The following CADPS2 variants were observed in gnomAD, a reference collection of about 807,000 sequenced individuals.
CADPS2 encodes the protein calcium dependent secretion activator 2.
A neutral mutation model predicts 172.5 loss-of-function variants in CADPS2; 93 were observed. The observed-to-expected ratio is 0.54, with a 90% CI of 0.46 to 0.64. The LOEUF is 0.64. Ranked by LOEUF, CADPS2 falls within the 30% of genes least tolerant of loss-of-function variation. The pLI, the probability that CADPS2 is intolerant of heterozygous loss-of-function variation, is 0.00. For missense variants in CADPS2, 1,420 were observed against 1,565.9 expected (o/e 0.91, Z 1.57); for synonymous variants, 546 against 555.2 (o/e 0.98, Z 0.23).
At chr7:122,382,140 G>A (rs750518521) in intron 24 of CADPS2, 4 of 151,926 alleles carry the variant, frequency 2.6e-5, no homozygotes, top group Non-Finnish European at 5.9e-5. Flanking sequence ...ATTCATTAGG[G>A]GACCCAGGTA....
At chr7:122,442,506 C>T (rs914691302) in intron 15 of CADPS2, among the ~76,000 whole-genome samples, 1 of 152,092 alleles carries the variant, frequency 6.6e-6, no homozygotes, top group Non-Finnish European at 1.5e-5. Flanking sequence ...TTATGTATCT[C>T]CATGTCATTT....
chr7:122,345,979 A>G (rs1360249233), intron 27 of CADPS2, among the ~76,000 whole-genome samples: 1 of 150,236 alleles, frequency 6.7e-6, no homozygotes, highest in Non-Finnish European at 1.5e-5. Context: ...AGTATAAATG[A>G]ATAAATTTTT....
At chr7:122,513,227 T>A (rs1337608313) in intron 9 of CADPS2, 22 bp downstream of exon 9, 2 of 1,521,930 alleles carry the variant, frequency 1.3e-6, no homozygotes, top group South Asian at 2.4e-5. Flanking sequence ...GAGTGATTAT[T>A]TAACAGGAAA....
At chr7:122,629,126 G>A (rs1311818395) in intron 4 of CADPS2, 122 bp downstream of exon 4, 1 of 647,044 alleles carries the variant, frequency 1.5e-6, no homozygotes, top group Non-Finnish European at 2.6e-6. Context: ...TATGTGTAGA[G>A]GAGAAAATGT....
intron 25 of CADPS2, among the ~76,000 whole-genome samples, chr7:122,369,142 C>T (rs79644746): frequency 7.7e-3 from 239 of 31,072 alleles, no homozygotes; most frequent in East Asian, 0.041. Flanking sequence ...CCCCCCCCCC[C>T]TTTTTTTTTT....
chr7:122,849,163 A>C (rs1812823408), intron 1 of CADPS2, among the ~76,000 whole-genome samples: 1 of 152,244 alleles, frequency 6.6e-6, no homozygotes, highest in South Asian at 2.1e-4. Flanking sequence ...TTAATTAAGC[A>C]TGTTGGTTGC....
intron 1 of CADPS2, among the ~76,000 whole-genome samples, chr7:122,831,293 A>C (rs1438861779): frequency 1.3e-5 from 2 of 152,172 alleles, no homozygotes; most frequent in African/African-American, 2.4e-5. Flanking sequence ...CAAGCAACAA[A>C]ATGACTGTTC....
intron 15 of CADPS2, among the ~76,000 whole-genome samples, chr7:122,450,947 AAGACAATACTAC>A (rs1322209857): frequency 1.3e-5 from 2 of 152,174 alleles, no homozygotes; most frequent in African/African-American, 4.8e-5. Flanking sequence ...TACAAGTGAC[AAGACAATACTAC>A]AGACAATAAA....
At chr7:122,879,972 T>C (rs866128984) in intron 1 of CADPS2, among the ~76,000 whole-genome samples, 5 of 152,332 alleles carry the variant, frequency 3.3e-5, no homozygotes, top group African/African-American at 1.2e-4. Flanking sequence ...AATAAACAAG[T>C]CATTTTAATT....
intron 1 of CADPS2, among the ~76,000 whole-genome samples, chr7:122,816,957 C>A (rs563692505): frequency 6.6e-6 from 1 of 151,256 alleles, no homozygotes; most frequent in African/African-American, 2.4e-5. Context: ...TCAAAAAGCA[C>A]CCCCACTGAA....
intron 1 of CADPS2, among the ~76,000 whole-genome samples, chr7:122,786,124 A>G (rs1046276669): frequency 2.6e-5 from 4 of 152,178 alleles, no homozygotes; most frequent in African/African-American, 9.7e-5. Context: ...TCTATTTCAT[A>G]TAACTTCTAG....
chr7:122,489,137 CTA>C (rs1159273400), intron 11 of CADPS2, among the ~76,000 whole-genome samples: 1 of 152,054 alleles, frequency 6.6e-6, no homozygotes, highest in African/African-American at 2.4e-5. Flanking sequence ...TTACGATAAT[CTA>C]TGAGTATGGT....
chr7:122,846,597 T>C (rs1208351400), intron 1 of CADPS2, among the ~76,000 whole-genome samples: 1 of 152,188 alleles, frequency 6.6e-6, no homozygotes, highest in Non-Finnish European at 1.5e-5. Flanking sequence ...AGCAGAAGAC[T>C]ATGTTGTGGC....
intron 1 of CADPS2, among the ~76,000 whole-genome samples, chr7:122,834,472 C>T (rs548030615): frequency 1.4e-4 from 22 of 152,168 alleles, no homozygotes; most frequent in South Asian, 2.1e-4. Context: ...GAGCGAGATC[C>T]GAAGCAGGGT....
At position 122,744,861 on chromosome 7, in the gene CADPS2, G is replaced by A. The variant is rs137999417; in HGVS notation, c.340-7793C>T. Among the ~76,000 whole-genome samples the A allele has an allele frequency of 6.8e-4, 104 of 152,182 alleles. No individual in the cohort carries two copies. In the East Asian group the frequency reaches 0.014, roughly 21 times the overall value. ...ACATGTCATCATGGCATTGTCTGGC[G>A]TGGGCAGGGAGCTGGTGAATGCTAA... is the stretch of plus-strand genomic sequence containing the variant. On this transcript the variant is annotated intron_variant, in intron 1 of 29. Coordinates refer to ENST00000449022, the MANE Select transcript of CADPS2 (RefSeq NM_017954.11).
chr7:122,821,011 G>A (rs1361249324), intron 1 of CADPS2, among the ~76,000 whole-genome samples: 16 of 151,218 alleles, frequency 1.1e-4, no homozygotes, highest in East Asian at 9.8e-4. Context: ...CATACCTGAC[G>A]CATATACTTT....
chr7:122,637,482 C>A (rs550095233), intron 3 of CADPS2, among the ~76,000 whole-genome samples: 4 of 152,220 alleles, frequency 2.6e-5, no homozygotes, highest in African/African-American at 9.6e-5. Context: ...TTATGAAATT[C>A]TTGAAGTAAA....
At chr7:122,432,258 CT>C (rs1239071224) in intron 17 of CADPS2, among the ~76,000 whole-genome samples, 1 of 151,962 alleles carries the variant, frequency 6.6e-6, no homozygotes, top group Non-Finnish European at 1.5e-5. Flanking sequence ...CAAGTTAACG[CT>C]TTTTTTCAGA....
At chr7:122,527,859 A>G (rs1393858821) in intron 8 of CADPS2, among the ~76,000 whole-genome samples, 1 of 152,090 alleles carries the variant, frequency 6.6e-6, no homozygotes, top group Non-Finnish European at 1.5e-5. Context: ...TGGAGAATAA[A>G]TGTTTCCCCC....
Sources: allele counts gnomAD v4.1 joint callset (sites outside exome capture counted in the v4.1 genomes callset), GRCh38; gene constraint gnomAD v4.1.1; transcripts MANE v1.5; gene names NCBI Gene and HGNC (gene_info 2026-07-23, HGNC 2026-07-21).